Variants in NFX1 observed in about 807,000 individuals in gnomAD.
NFX1 encodes the protein transcriptional repressor NF-X1.
A neutral mutation model predicts 137.2 loss-of-function variants in NFX1; 69 were observed. The ratio of observed to expected loss-of-function variants is 0.50; its 90% CI spans 0.41 to 0.61. The LOEUF is 0.61. NFX1 is among the 20% of genes least tolerant of loss of function. The pLI is 0.00. For synonymous variants in NFX1, 495 were observed against 474.1 expected, an observed-to-expected ratio of 1.04 and a Z score of -0.57; for missense variants, 1,167 against 1,391.0, an observed-to-expected ratio of 0.84 and a Z score of 2.56.
At chr9:33,323,760 AAAAC>A (rs1286087123) in intron 9 of NFX1, among the ~76,000 whole-genome samples, 3 of 151,196 alleles carry the variant, frequency 2.0e-5, no homozygotes, top group African/African-American at 4.8e-5. Flanking sequence ...CTCAAAAAAA[AAAAC>A]AAACAAAAAA....
At chr9:33,315,160 G>A (rs1822111605) in intron 7 of NFX1, among the ~76,000 whole-genome samples, 1 of 151,518 alleles carries the variant, frequency 6.6e-6, no homozygotes, top group African/African-American at 2.4e-5. Context: ...GGGAGGCGGA[G>A]GTTGCAGTGA....
chr9:33,356,770 A>G (rs925624947), intron 19 of NFX1, among the ~76,000 whole-genome samples: 1 of 152,048 alleles, frequency 6.6e-6, no homozygotes, highest in Non-Finnish European at 1.5e-5. Flanking sequence ...CTGCAGTGCC[A>G]CCTCTGTCAT....
intron 19 of NFX1, among the ~76,000 whole-genome samples, chr9:33,359,189 T>C (rs1043199632): frequency 1.3e-5 from 2 of 152,238 alleles, no homozygotes; most frequent in Non-Finnish European, 2.9e-5. Flanking sequence ...TTTTTTTCCT[T>C]TCTTTTTTCT....
chr9:33,347,317 C>T (rs1178154882), intron 15 of NFX1, among the ~76,000 whole-genome samples, 200 bp downstream of exon 15: 1 of 152,146 alleles, frequency 6.6e-6, no homozygotes, highest in Non-Finnish European at 1.5e-5. Context: ...TGAGTTTTAG[C>T]AAAAGCATAC....
At chr9:33,327,108 T>TA (rs1022693428) in intron 9 of NFX1, among the ~76,000 whole-genome samples, 1 of 152,184 alleles carries the variant, frequency 6.6e-6, no homozygotes, top group African/African-American at 2.4e-5. Context: ...TACAGAAAAC[T>TA]AAAAAAGACG....
At chr9:33,324,572 A>G (rs1822508026) in intron 9 of NFX1, among the ~76,000 whole-genome samples, 1 of 152,128 alleles carries the variant, frequency 6.6e-6, no homozygotes, top group African/African-American at 2.4e-5. Flanking sequence ...AAACTTCATT[A>G]AAGGGGCTCA....
chr9:33,322,761 G>A (rs565999171), intron 9 of NFX1, among the ~76,000 whole-genome samples: 10 of 152,254 alleles, frequency 6.6e-5, no homozygotes, highest in South Asian at 6.2e-4. Flanking sequence ...AGAGAGCTCC[G>A]AGGTACTCTC....
chr9:33,333,510 C>A (rs1286749942), intron 11 of NFX1, among the ~76,000 whole-genome samples: 1 of 152,224 alleles, frequency 6.6e-6, no homozygotes, highest in East Asian at 1.9e-4. Flanking sequence ...CCAACAACAT[C>A]TAAACAAAAT....
At chr9:33,299,286 C>T (rs1273715499) in intron 2 of NFX1, among the ~76,000 whole-genome samples, 1 of 152,168 alleles carries the variant, frequency 6.6e-6, no homozygotes, top group African/African-American at 2.4e-5. Flanking sequence ...CAGGATACCA[C>T]GTTGCATTTA....
rs770002799 is a variant in NFX1, at chr9:33,301,303, C to T, written c.1074C>T (p.Cys358=). The change falls in exon 3 of 24, where the codon TGC becomes TGT. Residue 358 remains cysteine, a synonymous_variant. Transcript: ENST00000379540. ...AACTAACAACAGAAAAATACGAGTG[C>T]ATGGTGTGCTGTGAATTGGTTCGTG... ...IEQLTTEKYE[C]MVCCELVRVT... 6.2e-7 allele frequency: 1 copy of T among 1,614,086 alleles called. No homozygotes were observed. Among genetic ancestry groups the T allele is most frequent in the Non-Finnish European group, 8.5e-7 (1 of 1,179,984 alleles).
chr9:33,302,271 TCTTC>T (rs1387933467), intron 3 of NFX1, among the ~76,000 whole-genome samples: 1 of 152,012 alleles, frequency 6.6e-6, no homozygotes, highest in Non-Finnish European at 1.5e-5. Flanking sequence ...CCATTTCTAC[TCTTC>T]TAGTTATTTT....
At chr9:33,321,878 C>CAA (rs1349632802) in intron 9 of NFX1, among the ~76,000 whole-genome samples, 35 of 106,324 alleles carry the variant, frequency 3.3e-4, no homozygotes, top group Middle Eastern at 5.6e-3. Context: ...GACCCTGTCT[C>CAA]AAAAAAAAAA....
At position 33,370,016 on chromosome 9, in the gene NFX1, T is replaced by C. The variant is rs777881189; in HGVS notation, c.*38T>C. The C allele has an allele frequency of 8.0e-6, 12 of 1,503,888 alleles. No homozygotes were observed. In the South Asian group the frequency reaches 1.4e-4, roughly 17 times the overall value. The allele number at this position is 1,503,888 out of a possible 1,614,324, so 93.2% of individuals were successfully genotyped here. A position where few individuals can be genotyped will look rare whatever the true frequency, so the allele number is the denominator to read the frequency against. ...GCACTTAGATAAAAGAATGATTAGG[T>C]ATAGTGGAGACTTATTTGCCAGCAG... is the stretch of plus-strand genomic sequence containing the variant. On this transcript the variant is annotated 3_prime_UTR_variant, in exon 24 of 24. Transcript: ENST00000379540.
intron 10 of NFX1, among the ~76,000 whole-genome samples, chr9:33,331,115 G>A (rs890542274): frequency 2.0e-5 from 3 of 152,076 alleles, no homozygotes; most frequent in East Asian, 1.9e-4. Flanking sequence ...GCAGTGAACC[G>A]AGATTGCACC....
rs78828456 is a variant in NFX1, at chr9:33,347,476, A to T, written c.2424+359A>T. Among the ~76,000 whole-genome samples, 209 of 151,908 alleles carry T rather than the reference A, an allele frequency of 1.4e-3. 1 individual carries two copies. Among genetic ancestry groups the T allele is most frequent in the African/African-American group, 4.9e-3 (204 of 41,408 alleles). ...CAATCATTTTACTTTAAAATACCAAATTTTTTTTTAATAACCTCCTTATTC... is the reference window on the plus strand; with the variant it reads ...CAATCATTTTACTTTAAAATACCAATTTTTTTTTTAATAACCTCCTTATTC... On this transcript the variant is annotated intron_variant, in intron 15 of 23. Transcript: ENST00000379540.
chr9:33,351,791 G>T lies in NFX1; in HGVS notation c.2655+1G>T, dbSNP rs1246170881. On this transcript the variant is annotated splice_donor_variant, in intron 16 of 23. Coordinates refer to ENST00000379540, the MANE Select transcript of NFX1 (RefSeq NM_002504.6). LOFTEE classifies it high-confidence loss of function. ...CCCTGTGACTGCTTGTAAAGCTAAG[G>T]TGGGTATTTCTGGCCACAGATGCAG... 1 of 1,570,834 alleles carries T rather than the reference G, an allele frequency of 6.4e-7. No homozygotes were observed.
At position 33,290,589 on chromosome 9, in the gene NFX1, C is replaced by T; in HGVS notation, c.17C>T (p.Pro6Leu). ...CGGCACGGGATGGCGGAGGCGCCTCCTGTCTCAGGTATTGTCCCGGCCCGA... is the reference window on the plus strand; with the variant it reads ...CGGCACGGGATGGCGGAGGCGCCTCTTGTCTCAGGTATTGTCCCGGCCCGA... MAEAP[P>L]VSGTFKFNTD... Residue 6 changes from proline (P) to leucine (L), a missense_variant, in exon 1 of 24, where the codon CCT (proline) becomes CTT (leucine). By Grantham distance (98) the Pro-to-Leu change is moderately conservative. Transcript: ENST00000379540. 3 of 1,613,882 alleles carry T rather than the reference C, an allele frequency of 1.9e-6. No individual in the cohort carries two copies. Among genetic ancestry groups the T allele is most frequent in the East Asian group, 2.2e-5 (1 of 44,876 alleles).
At chr9:33,362,700 T>G (rs1158247588) in intron 19 of NFX1, among the ~76,000 whole-genome samples, 1 of 138,904 alleles carries the variant, frequency 7.2e-6, no homozygotes, top group Non-Finnish European at 1.6e-5. Flanking sequence ...TGGTTTTTTT[T>G]TTTTTTTTTT....
chr9:33,307,370 C>T, intron 5 of NFX1, 71 bp downstream of exon 5: 3 of 1,287,554 alleles, frequency 2.3e-6, no homozygotes, highest in South Asian at 2.4e-5. Context: ...AGTAAACATA[C>T]CTGGTTAGCA....
Sources: allele counts gnomAD v4.1 joint callset (sites outside exome capture counted in the v4.1 genomes callset), GRCh38; gene constraint gnomAD v4.1.1; transcripts MANE v1.5; gene names NCBI Gene and HGNC (gene_info 2026-07-23, HGNC 2026-07-21).